CAPN8: variants seen among roughly 807,000 people sequenced by gnomAD.
The protein encoded by CAPN8 is calpain-8.
Under a neutral mutation model 80.9 loss-of-function variants are expected in CAPN8, and 87 were observed. The observed-to-expected ratio is 1.07, with a 90% CI of 0.90 to 1.28. The LOEUF (loss-of-function observed/expected upper bound fraction) is 1.28, where lower values mean the gene tolerates loss of function less well. CAPN8 is among the 50% of genes most tolerant of loss of function. The probability of loss-of-function intolerance (pLI) is 0.00; values close to 1 mark genes in which losing one functional copy is unlikely to be tolerated. For missense variants in CAPN8, 757 were observed against 702.0 expected, an observed-to-expected ratio of 1.08 and a Z score of -0.89; for synonymous variants, 299 against 273.8, an observed-to-expected ratio of 1.09 and a Z score of -0.91.
intron 13 of CAPN8, among the ~76,000 whole-genome samples, chr1:223,555,280 G>A (rs1397263783): frequency 2.6e-5 from 4 of 152,182 alleles, no homozygotes; most frequent in Non-Finnish European, 5.9e-5. Flanking sequence ...CACACAGCTA[G>A]TAAACAGTGA....
chr1:223,619,421 G>C lies in CAPN8; in HGVS notation c.1007C>G (p.Ser336Cys), dbSNP rs1237445090. ...GGACAGGTTGCAGATCTCCAACCGA[G>C]AGAACTGCCTCACGAAATCTGAAAG... Reference protein sequence around the residue: ...MSLSDFVRQFSRLEICNLSPD... With the variant: ...MSLSDFVRQFCRLEICNLSPD... Residue 336 changes from serine to cysteine, a missense_variant, in exon 9 of 21, where the codon TCT (serine) becomes TGT (cysteine). Physicochemically the swap from Ser to Cys is moderately radical, Grantham distance 112 (BLOSUM62 -1). Coordinates refer to ENST00000366872, the MANE Select transcript of CAPN8 (RefSeq NM_001143962.2). The C allele has an allele frequency of 5.8e-6, 9 of 1,551,582 alleles. No individual in the cohort carries two copies. Among genetic ancestry groups the C allele is most frequent in the Non-Finnish European group, 7.8e-6 (9 of 1,147,010 alleles).
chr1:223,656,164 T>C (rs1658482263), intron 1 of CAPN8, among the ~76,000 whole-genome samples: 1 of 151,864 alleles, frequency 6.6e-6, no homozygotes, highest in African/African-American at 2.4e-5. Flanking sequence ...CTTTTTTTTT[T>C]TCCCAAGTAT....
At chr1:223,552,236 C>A (rs1339647425) in intron 14 of CAPN8, among the ~76,000 whole-genome samples, 1 of 152,278 alleles carries the variant, frequency 6.6e-6, no homozygotes, top group East Asian at 1.9e-4. Context: ...ACTGGCCTCA[C>A]CCCAGCACAG....
At chr1:223,640,846 C>A (rs999827854) in intron 2 of CAPN8, among the ~76,000 whole-genome samples, 20 of 152,140 alleles carry the variant, frequency 1.3e-4, no homozygotes, top group African/African-American at 4.6e-4. Context: ...ATTAAAACTA[C>A]CAACCATGCC....
At chr1:223,626,924 CT>C in intron 5 of CAPN8, 64 bp downstream of exon 5, 2 of 1,507,920 alleles carry the variant, frequency 1.3e-6, no homozygotes, top group Non-Finnish European at 1.8e-6. Flanking sequence ...TGTCTCATCC[CT>C]TCCCTACCAC....
In CAPN8 at chr1:223,662,900, T is replaced by G. The variant is rs80170959; in HGVS notation, c.237+2510A>C. Among the ~76,000 whole-genome samples the G allele has an allele frequency of 2.2e-4, 33 of 152,326 alleles. No individual in the cohort carries two copies. In the East Asian group the frequency reaches 5.4e-3, roughly 25 times the overall value. Reference sequence around the variant, plus strand: ...CTGATTCAGGAGTCTATTCAATAACTGTAAGATCTTAGAGGATAAGTCTGC... The same window carrying G: ...CTGATTCAGGAGTCTATTCAATAACGGTAAGATCTTAGAGGATAAGTCTGC... On this transcript the variant is annotated intron_variant, in intron 1 of 20. Transcript: ENST00000366872.
intron 1 of CAPN8, among the ~76,000 whole-genome samples, chr1:223,659,467 AC>A (rs2102739944): frequency 6.6e-6 from 1 of 151,838 alleles, no homozygotes; most frequent in Non-Finnish European, 1.5e-5. Flanking sequence ...GTGGACTCCC[AC>A]CTTCCTCTGA....
chr1:223,628,331 G>T (rs1052699281), intron 3 of CAPN8, among the ~76,000 whole-genome samples, 189 bp from the exon 4 acceptor site: 2 of 152,312 alleles, frequency 1.3e-5, no homozygotes, highest in South Asian at 4.1e-4. Flanking sequence ...ATCTAGTCCA[G>T]GGTCTGCGTT....
intron 16 of CAPN8, among the ~76,000 whole-genome samples, chr1:223,545,535 T>C (rs1219898422): frequency 6.6e-6 from 1 of 152,224 alleles, no homozygotes; most frequent in Non-Finnish European, 1.5e-5. Flanking sequence ...GGGCAAGTCA[T>C]GAGCTGGCCA....
At chr1:223,556,698 A>G (rs1175846768) in intron 13 of CAPN8, among the ~76,000 whole-genome samples, 1 of 152,218 alleles carries the variant, frequency 6.6e-6, no homozygotes, top group Admixed American at 6.5e-5. Context: ...ACTCCTGCCA[A>G]TCTGGTGCAA....
chr1:223,636,926 G>T (rs912664918), intron 2 of CAPN8, among the ~76,000 whole-genome samples: 1 of 152,080 alleles, frequency 6.6e-6, no homozygotes, highest in African/African-American at 2.4e-5. Flanking sequence ...CCCGCTTTCT[G>T]TTTCCCCCCT....
intron 2 of CAPN8, among the ~76,000 whole-genome samples, chr1:223,645,833 A>G (rs1439316608): frequency 6.6e-6 from 1 of 152,172 alleles, no homozygotes; most frequent in East Asian, 1.9e-4. Context: ...TGAGGGAGGC[A>G]CAAAGAGTCC....
intron 2 of CAPN8, among the ~76,000 whole-genome samples, chr1:223,629,157 A>G (rs1373520249): frequency 1.3e-5 from 2 of 151,526 alleles, no homozygotes; most frequent in Non-Finnish European, 2.9e-5. Context: ...TGAGGGAAAC[A>G]TTGAAGCTGT....
At position 223,619,939 on chromosome 1, in the gene CAPN8, T is replaced by C. The variant is rs1327753969; in HGVS notation, c.974+253A>G. Among the ~76,000 whole-genome samples the C allele has an allele frequency of 2.0e-5, 3 of 152,190 alleles. No individual in the cohort carries two copies. The East Asian group carries it at 5.8e-4, about 29-fold the overall frequency. ...AGATAGAAGCAGTGCTCTCAGTTCA[T>C]TGGAAAGATAATAGAACTGAGAAAG... On this transcript the variant is annotated intron_variant, in intron 8 of 20. Coordinates refer to ENST00000366872, the MANE Select transcript of CAPN8 (RefSeq NM_001143962.2).
intron 14 of CAPN8, among the ~76,000 whole-genome samples, chr1:223,552,559 CAAAAAAAAAAAAA>C (rs1167143421): frequency 3.0e-5 from 2 of 65,670 alleles, no homozygotes; most frequent in East Asian, 5.4e-4. Flanking sequence ...CAGTCCATCT[CAAAAAAAAAAAAA>C]AAAAAAAAAG....
At chr1:223,617,330 T>TTTTGTTTG (rs78857788) in intron 9 of CAPN8, 7 of 146,890 alleles carry the variant, frequency 4.8e-5, no homozygotes, top group Admixed American at 6.8e-5. Context: ...TGTTGCTGTG[T>TTTTGTTTG]TTTGTTTGTT....
At chr1:223,651,645 C>G (rs142016222) in intron 2 of CAPN8, among the ~76,000 whole-genome samples, 2 of 152,334 alleles carry the variant, frequency 1.3e-5, no homozygotes, top group East Asian at 3.9e-4. Context: ...GAAGTGCGAA[C>G]AAGGAGATCC....
At chr1:223,653,999 A>C (rs1172704129) in intron 2 of CAPN8, among the ~76,000 whole-genome samples, 1 of 152,230 alleles carries the variant, frequency 6.6e-6, no homozygotes, top group African/African-American at 2.4e-5. Context: ...ATGTCTACTT[A>C]AAGGTAACTA....
chr1:223,639,766 T>C (rs1658000357), intron 2 of CAPN8, among the ~76,000 whole-genome samples: 1 of 152,250 alleles, frequency 6.6e-6, no homozygotes, highest in African/African-American at 2.4e-5. Flanking sequence ...ATTTCCTGTA[T>C]TTGAATCTGC....
Sources: allele counts gnomAD v4.1 joint callset (sites outside exome capture counted in the v4.1 genomes callset), GRCh38; gene constraint gnomAD v4.1.1; transcripts MANE v1.5; gene names NCBI Gene and HGNC (gene_info 2026-07-23, HGNC 2026-07-21).